The following MYO1C variants were observed in gnomAD, a reference collection of about 807,000 sequenced individuals.
MYO1C encodes myosin IC.
Under a neutral mutation model 150.8 loss-of-function variants are expected in MYO1C, and 104 were observed. The ratio of observed to expected loss-of-function variants is 0.69; its 90% CI spans 0.59 to 0.81. MYO1C has a LOEUF of 0.81. Among genes scored for constraint, MYO1C ranks in the 30% least tolerant of loss-of-function variants. The pLI is 0.00. For synonymous variants in MYO1C, 663 were observed against 579.9 expected, an observed-to-expected ratio of 1.14 and a Z score of -2.06; for missense variants, 1,504 against 1,435.0, an observed-to-expected ratio of 1.05 and a Z score of -0.78.
At position 1,492,569 on chromosome 17, in the gene MYO1C, C is replaced by G. The variant is rs570999507; in HGVS notation, c.-82G>C. 5.2e-6 allele frequency: 7 copies of G among 1,338,808 alleles called. No homozygotes were observed. The East Asian group carries it at 1.5e-4, about 29-fold the overall frequency. 82.9% of individuals were successfully genotyped at this position (1,338,808 alleles called of 1,614,324 possible). The stretch of plus-strand genomic sequence containing the variant: ...TGCCCACTGGCGGGCTCCGACCACT[C>G]CGGGACCAGGAACCTACGGTCTAAC... On this transcript the variant is annotated 5_prime_UTR_variant, in exon 1 of 32. Coordinates refer to ENST00000648651, the MANE Select transcript of MYO1C (RefSeq NM_001080779.2).
At position 1,480,854 on chromosome 17, in the gene MYO1C, T is replaced by G. The variant is rs2074505876; in HGVS notation, c.659A>C (p.Tyr220Ser). 6.2e-7 allele frequency: 1 copy of G among 1,613,896 alleles called. No individual in the cohort carries two copies. Among genetic ancestry groups the G allele is most frequent in the African/African-American group, 1.3e-5 (1 of 74,942 alleles). Residue 220 changes from tyrosine (Y) to serine (S), a missense_variant, in exon 6 of 32, where the codon TAC becomes TCC. Physicochemically the swap from Tyr to Ser is moderately radical, Grantham distance 144. Coordinates refer to ENST00000648651, the MANE Select transcript of MYO1C (RefSeq NM_001080779.2). ...CACCACTCGTGACTTTTCCAGGAGGTAACTGAGGATGTGGCCACCCACGGG... is the reference window on the plus strand; with the variant it reads ...CACCACTCGTGACTTTTCCAGGAGGGAACTGAGGATGTGGCCACCCACGGG... ...GAPVGGHILSYLLEKSRVVHQ... is the reference protein window; with the variant it reads ...GAPVGGHILSSLLEKSRVVHQ...
At chr17:1,477,665 C>A (rs2074427676) in intron 13 of MYO1C, 69 bp from the exon 14 acceptor site, 1 of 1,291,542 alleles carries the variant, frequency 7.7e-7, no homozygotes, top group Non-Finnish European at 1.1e-6. Flanking sequence ...ATTGGGGTCA[C>A]CGTGCTGGGA....
Position 1,472,221 on chromosome 17 carries a change from G to T in MYO1C, c.1805C>A (p.Thr602Asn), listed in dbSNP as rs2074319322. The T allele has an allele frequency of 3.7e-6, 6 of 1,614,098 alleles. No individual in the cohort carries two copies. Among genetic ancestry groups the T allele is most frequent in the East Asian group, 4.5e-5 (2 of 44,872 alleles). The change falls in exon 18 of 32, where the codon ACC (threonine) becomes AAC (asparagine). Residue 602 changes from threonine (T) to asparagine (N), a missense_variant. Physicochemically the swap from Thr to Asn is moderately conservative, Grantham distance 65. Transcript: ENST00000648651. The stretch of plus-strand genomic sequence containing the variant: ...CTGCAGGAGGCTCATCTTGAACTGG[G>T]TGGCGACCTGGCGAGCCAAGAGGCA... ...SDKKRPETVATQFKMSLLQLV... is the reference protein window; with the variant it reads ...SDKKRPETVANQFKMSLLQLV...
At position 1,472,123 on chromosome 17, in the gene MYO1C, CG is replaced by C. The variant is rs1413318280; in HGVS notation, c.1902del (p.Gly635AlafsTer7). ...GAAGTCCCCCGTGGGAGGGGCCTAC[CG>C]GGCTGTTTGGCATCATTGGGTTTGA... Reference protein sequence around the residue: ...RCIKPNDAKQPGRFDEVLIRH... With the variant: ...RCIKPNDAKQXGRFDEVLIRH... On this transcript the variant is annotated frameshift_variant and splice_region_variant, in exon 18 of 32. Transcript: ENST00000648651. LOFTEE classifies it high-confidence loss of function. The C allele has an allele frequency of 4.3e-6, 7 of 1,613,884 alleles. No homozygotes were observed. In the Admixed American group the frequency reaches 1.2e-4, roughly 27 times the overall value.
In MYO1C at chr17:1,479,594, T is replaced by G. The variant is rs2074473018; in HGVS notation, c.1018A>C (p.Arg340=). ...TTENQLKYLT[R]LLSVEGSTLR... The stretch of plus-strand genomic sequence containing the variant: ...CGCCCTCTGCCCGCCCCACTCACCC[T>G]GGTCAGATACTTGAGCTGGTTCTCG... The change falls in exon 8 of 32, where the codon AGG becomes CGG. Residue 340 remains arginine (R), a splice_region_variant and synonymous_variant. Transcript: ENST00000648651. This position sits in a 1 kb window ranked among gnomAD's most constrained non-coding sequence, Gnocchi z 4.2. 1 of 1,477,650 alleles carries G rather than the reference T, an allele frequency of 6.8e-7. No individual in the cohort carries two copies. The highest frequency in any genetic ancestry group is 9.3e-7 in the Non-Finnish European group (1 of 1,079,960). 91.5% of individuals were successfully genotyped at this position (1,477,650 alleles called of 1,614,324 possible).
In MYO1C at chr17:1,468,384, T is replaced by C; in HGVS notation, c.2704+19A>G. On this transcript the variant is annotated intron_variant, in intron 26 of 31. Transcript: ENST00000648651. Reference sequence around the variant, plus strand: ...GGATGGTGACGAAAGGTCTGAGTGCTGGAAAGTCAGGGGCTCACCAAGCCG... The same window carrying C: ...GGATGGTGACGAAAGGTCTGAGTGCCGGAAAGTCAGGGGCTCACCAAGCCG... The C allele has an allele frequency of 1.2e-6, 2 of 1,613,694 alleles. No individual in the cohort carries two copies. The highest frequency in any genetic ancestry group is 2.2e-5 in the South Asian group (2 of 91,060).
intron 17 of MYO1C, among the ~76,000 whole-genome samples, chr17:1,473,179 G>T (rs2074338804): frequency 6.6e-6 from 1 of 152,180 alleles, no homozygotes; most frequent in Non-Finnish European, 1.5e-5. Flanking sequence ...CAGCCTGGGT[G>T]ACAGAGCGAG....
At position 1,480,661 on chromosome 17, in the gene MYO1C, C is replaced by A. The variant is rs775279577; in HGVS notation, c.808-36G>T. The A allele has an allele frequency of 3.1e-6, 5 of 1,613,894 alleles. No individual in the cohort carries two copies. In the South Asian group the frequency reaches 5.5e-5, roughly 18 times the overall value. On this transcript the variant is annotated intron_variant, in intron 6 of 31. Coordinates refer to ENST00000648651, the MANE Select transcript of MYO1C (RefSeq NM_001080779.2). ...GGCACAGCTGGGTTGCCAGCCCTGGCACCAGATCCCTGGGTGGCACCTGCC... is the reference window on the plus strand; with the variant it reads ...GGCACAGCTGGGTTGCCAGCCCTGGAACCAGATCCCTGGGTGGCACCTGCC...
chr17:1,484,082 C>T, intron 2 of MYO1C, 66 bp downstream of exon 2: 8 of 1,583,778 alleles, frequency 5.1e-6, no homozygotes, highest in Non-Finnish European at 6.9e-6. Context: ...CTTGGTGTCT[C>T]TTTCCCCTCC....
In MYO1C at chr17:1,471,066, C is replaced by G; in HGVS notation, c.2212+5G>C. On this transcript the variant is annotated splice_donor_5th_base_variant and intron_variant, in intron 21 of 31. Transcript: ENST00000648651. ...TGCAGCAGGAAGGGTAGGCCTCTCTCTCACCCAGGCTCTGCCGCCGGACCT... is the reference window on the plus strand; with the variant it reads ...TGCAGCAGGAAGGGTAGGCCTCTCTGTCACCCAGGCTCTGCCGCCGGACCT... 1 of 1,613,942 alleles carries G rather than the reference C, an allele frequency of 6.2e-7. No individual in the cohort carries two copies. Among genetic ancestry groups the G allele is most frequent in the Non-Finnish European group, 8.5e-7 (1 of 1,179,822 alleles).
At chr17:1,485,880 T>G (rs1598348242) in intron 1 of MYO1C, 1 of 205,332 alleles carries the variant, frequency 4.9e-6, no homozygotes, top group East Asian at 1.9e-4. Flanking sequence ...GCGGCCGGGC[T>G]GGGGTCCCCT....
At chr17:1,474,791 G>A (rs1202674789) in intron 16 of MYO1C, 21 bp downstream of exon 16, 5 of 1,551,722 alleles carry the variant, frequency 3.2e-6, no homozygotes, top group Middle Eastern at 1.7e-4. Context: ...CCCCACCCCG[G>A]CCTCCCCACG....
Position 1,469,761 on chromosome 17 carries a change from G to A in MYO1C, c.2527-147C>T, listed in dbSNP as rs534151483. On this transcript the variant is annotated intron_variant, in intron 24 of 31. Coordinates refer to ENST00000648651, the MANE Select transcript of MYO1C (RefSeq NM_001080779.2). ...GTCAAGAGACCTTACTCGGCAGGGC[G>A]CGGTGGCTCACGCCTGGAATCCCAG... 1.6e-5 allele frequency: 12 copies of A among 771,736 alleles called. 1 individual carries two copies. Among genetic ancestry groups the A allele is most frequent in the Middle Eastern group, 2.3e-4 (1 of 4,410 alleles). The allele number at this position is 771,736 out of a possible 1,614,324, so 47.8% of individuals were successfully genotyped here. A position where few individuals can be genotyped will look rare whatever the true frequency, so the allele number is the denominator to read the frequency against.
chr17:1,481,220 T>A, intron 5 of MYO1C: 1 of 333,588 alleles, frequency 3.0e-6, no homozygotes, highest in South Asian at 3.2e-5. Flanking sequence ...GGTGACTACA[T>A]CCTTCTCGTT....
chr17:1,492,363 C>A, intron 1 of MYO1C, 50 bp downstream of exon 1: 4 of 1,548,940 alleles, frequency 2.6e-6, no homozygotes, highest in Non-Finnish European at 3.5e-6. Context: ...GCTGCCCGGC[C>A]TTGGGGAGAC....
intron 21 of MYO1C, 114 bp from the exon 22 acceptor site, chr17:1,470,803 A>G (rs1334528228): frequency 8.7e-7 from 1 of 1,153,930 alleles, no homozygotes; most frequent in African/African-American, 1.5e-5. Flanking sequence ...GGAACCAACG[A>G]GCAGGAGGAG....
intron 13 of MYO1C, 49 bp downstream of exon 13, chr17:1,477,842 C>T: frequency 6.5e-7 from 1 of 1,533,634 alleles, no homozygotes; most frequent in Non-Finnish European, 9.0e-7. Context: ...AGGGGGACAT[C>T]CTCCCACCCA....
intron 25 of MYO1C, 160 bp downstream of exon 25, chr17:1,469,371 G>GAGTAGACCAGGGTAAATAC: frequency 5.1e-6 from 3 of 590,186 alleles, no homozygotes; most frequent in Non-Finnish European, 9.0e-6. Flanking sequence ...GGGGTAAATA[G>GAGTAGACCAGGGTAAATAC]AGTAGACCAG....
At chr17:1,490,258 T>G (rs1171886337) in intron 1 of MYO1C, among the ~76,000 whole-genome samples, 2 of 150,070 alleles carry the variant, frequency 1.3e-5, no homozygotes, top group Non-Finnish European at 3.0e-5. Context: ...AGCACTTTGG[T>G]AGGCCTAGGC....
Sources: allele counts gnomAD v4.1 joint callset (sites outside exome capture counted in the v4.1 genomes callset), GRCh38; gene constraint gnomAD v4.1.1; non-coding constraint Gnocchi (gnomAD v3.1); transcripts MANE v1.5; gene names NCBI Gene and HGNC (gene_info 2026-07-23, HGNC 2026-07-21).